Variants in CENPP observed in about 807,000 individuals in gnomAD.
The protein encoded by CENPP is centromere protein P.
Under a neutral mutation model 35.6 loss-of-function variants are expected in CENPP, and 24 were observed. The ratio of observed to expected loss-of-function variants is 0.67; its 90% confidence interval spans 0.49 to 0.95. The LOEUF is 0.95. Among genes scored for constraint, CENPP ranks in the 40% least tolerant of loss-of-function variants. The pLI is 0.00. For missense variants in CENPP, 332 were observed against 345.3 expected, an observed-to-expected ratio of 0.96 and a Z score of 0.31; for synonymous variants, 120 against 125.5, an observed-to-expected ratio of 0.96 and a Z score of 0.29.
chr9:92,514,683 A>G (rs1229015737), intron 5 of CENPP: 1 of 1,609,914 alleles, frequency 6.2e-7, no homozygotes, highest in Non-Finnish European at 8.5e-7. Flanking sequence ...GTATCTGGGT[A>G]AGCATGGCGT....
At chr9:92,512,182 A>T (rs150792948) in intron 5 of CENPP, 10 of 1,200,454 alleles carry the variant, frequency 8.3e-6, no homozygotes, top group Non-Finnish European at 1.2e-5. Flanking sequence ...ACATGTACAC[A>T]CATGTATGGG....
intron 5 of CENPP, chr9:92,509,860 T>G: frequency 6.3e-7 from 1 of 1,575,280 alleles, no homozygotes; most frequent in Non-Finnish European, 8.6e-7. Flanking sequence ...TAGGAAAGAT[T>G]ATAAGGAAGC....
intron 5 of CENPP, among the ~76,000 whole-genome samples, chr9:92,511,418 C>T (rs1287714790): frequency 2.8e-5 from 4 of 143,384 alleles, no homozygotes; most frequent in African/African-American, 1.1e-4. Context: ...AGCCACTGTG[C>T]CTGGCCTGTT....
chr9:92,584,592 CAGCCTCCCAA>C (rs1850500307), intron 5 of CENPP, among the ~76,000 whole-genome samples: 1 of 152,174 alleles, frequency 6.6e-6, no homozygotes, highest in African/African-American at 2.4e-5. Context: ...CCTCCCACCT[CAGCCTCCCAA>C]AGTGCTGGGA....
intron 5 of CENPP, among the ~76,000 whole-genome samples, chr9:92,506,621 G>A (rs971619625): frequency 2.6e-5 from 4 of 152,146 alleles, no homozygotes; most frequent in East Asian, 1.9e-4. Context: ...CAGCAAAGAC[G>A]GTTGCATCAG....
intron 5 of CENPP, among the ~76,000 whole-genome samples, chr9:92,586,235 G>A (rs1850537772): frequency 6.6e-6 from 1 of 152,180 alleles, no homozygotes; most frequent in South Asian, 2.1e-4. Context: ...AGTAGAGACA[G>A]GGTTTCGCCA....
At chr9:92,430,505 C>T (rs755760030) in intron 5 of CENPP, among the ~76,000 whole-genome samples, 2 of 151,418 alleles carry the variant, frequency 1.3e-5, no homozygotes, top group Admixed American at 6.6e-5. Flanking sequence ...TACAGGCACC[C>T]ACAACTACAC....
intron 5 of CENPP, among the ~76,000 whole-genome samples, chr9:92,605,898 G>T (rs541219904): frequency 3.9e-5 from 6 of 152,280 alleles, no homozygotes; most frequent in African/African-American, 1.2e-4. Context: ...CATATATTGG[G>T]TAAGTGACTT....
At chr9:92,602,218 G>C (rs1375828929) in intron 5 of CENPP, among the ~76,000 whole-genome samples, 1 of 152,218 alleles carries the variant, frequency 6.6e-6, no homozygotes, top group Non-Finnish European at 1.5e-5. Context: ...GAATAAACAA[G>C]TGACTGAGTG....
intron 5 of CENPP, among the ~76,000 whole-genome samples, chr9:92,453,760 G>A (rs1285132429): frequency 3.3e-5 from 5 of 152,128 alleles, no homozygotes; most frequent in Non-Finnish European, 7.3e-5. Context: ...AAAAGGGATT[G>A]AATTGTGAAT....
chr9:92,337,564 C>T lies in CENPP; in HGVS notation c.313C>T (p.His105Tyr), dbSNP rs753439353. 10 of 1,605,924 alleles carry T rather than the reference C, an allele frequency of 6.2e-6. No homozygotes were observed. In the East Asian group the frequency reaches 2.2e-4, roughly 36 times the overall value. Residue 105 changes from histidine (H) to tyrosine (Y), a missense_variant, in exon 3 of 8, where the codon CAC becomes TAC. His to Tyr is a moderately conservative substitution (Grantham distance 83). Transcript: ENST00000375587. The stretch of plus-strand genomic sequence containing the variant: ...AGGTATTAGAAAAGTTCTACAGAGA[C>T]ACAGATTATCAGGAAATTGCCACAT... ...EKSIRKVLQRHRLSGNCHMVT... is the reference protein window; with the variant it reads ...EKSIRKVLQRYRLSGNCHMVT...
At chr9:92,389,833 G>C in intron 5 of CENPP, 1 of 1,523,282 alleles carries the variant, frequency 6.6e-7, no homozygotes, top group Non-Finnish European at 9.1e-7. Context: ...ACTATGCTTA[G>C]TTTTACTATA....
chr9:92,426,032 A>G (rs1349416664), intron 5 of CENPP, among the ~76,000 whole-genome samples: 1 of 152,246 alleles, frequency 6.6e-6, no homozygotes. Context: ...AGTGTGAAAG[A>G]AAAATCAGTA....
At chr9:92,511,960 A>G in intron 5 of CENPP, 1 of 1,382,408 alleles carries the variant, frequency 7.2e-7, no homozygotes. Context: ...AACCAATGCA[A>G]GTCATAGTGA....
intron 5 of CENPP, among the ~76,000 whole-genome samples, chr9:92,415,829 T>G (rs994616543): frequency 3.4e-5 from 5 of 146,494 alleles, no homozygotes; most frequent in African/African-American, 1.2e-4. Context: ...AACTGACAAT[T>G]TATACATATA....
intron 5 of CENPP, among the ~76,000 whole-genome samples, chr9:92,484,877 C>G (rs1471767871): frequency 6.6e-6 from 1 of 152,208 alleles, no homozygotes; most frequent in Non-Finnish European, 1.5e-5. Context: ...TCCTTCTCCC[C>G]ACTGTGAGAC....
chr9:92,349,703 A>T (rs1241304051), intron 4 of CENPP, among the ~76,000 whole-genome samples: 1 of 152,096 alleles, frequency 6.6e-6, no homozygotes, highest in Non-Finnish European at 1.5e-5. Flanking sequence ...CGCCTGGCCT[A>T]TGTATACATT....
At chr9:92,500,184 C>G (rs1846585326) in intron 5 of CENPP, among the ~76,000 whole-genome samples, 1 of 151,988 alleles carries the variant, frequency 6.6e-6, no homozygotes, top group Non-Finnish European at 1.5e-5. Context: ...ATATAATAAT[C>G]TGTTAATCTT....
chr9:92,600,329 T>C, intron 5 of CENPP: 2 of 1,510,416 alleles, frequency 1.3e-6, no homozygotes, highest in Non-Finnish European at 1.8e-6. Context: ...TGCTGTTTGT[T>C]TATTAAAATT....
Sources: allele counts gnomAD v4.1 joint callset (sites outside exome capture counted in the v4.1 genomes callset), GRCh38; gene constraint gnomAD v4.1.1; transcripts MANE v1.5; gene names NCBI Gene and HGNC (gene_info 2026-07-23, HGNC 2026-07-21).